The following ANKS1B variants were observed in gnomAD, a reference collection of about 807,000 sequenced individuals.
The protein encoded by ANKS1B is ankyrin repeat and sterile alpha motif domain-containing protein 1B.
In ANKS1B, 36 loss-of-function variants were observed where a neutral mutation model predicts 148.3. The observed-to-expected ratio is 0.24, with a 90% CI of 0.19 to 0.32. The LOEUF (loss-of-function observed/expected upper bound fraction) is 0.32. Among genes scored for constraint, ANKS1B ranks in the 10% least tolerant of loss-of-function variants. The pLI is 1.00. For missense variants in ANKS1B, 1,157 were observed against 1,542.6 expected, an observed-to-expected ratio of 0.75 and a Z score of 4.19; for synonymous variants, 542 against 560.8, an observed-to-expected ratio of 0.97 and a Z score of 0.47.
intron 14 of ANKS1B, among the ~76,000 whole-genome samples, chr12:99,209,711 G>C (rs2083107272): frequency 6.6e-6 from 1 of 152,128 alleles, no homozygotes; most frequent in Non-Finnish European, 1.5e-5. Context: ...TCACCATCTT[G>C]GATAAGCACT....
chr12:98,841,853 C>T (rs2099408236), intron 17 of ANKS1B, among the ~76,000 whole-genome samples: 1 of 151,756 alleles, frequency 6.6e-6, no homozygotes, highest in African/African-American at 2.4e-5. Flanking sequence ...TCTGGAGAGT[C>T]ACATCACAGA....
In ANKS1B at chr12:99,084,951, G is replaced by A; in HGVS notation, c.2599C>T (p.Leu867=). The part of the protein sequence containing the change: ...ILNSGHRQRI[L]QAIQLLPKMR... ...TTTGGAAGGAGCTGGATTGCCTGTA[G>A]AATTCTTTGTCTGTGCCCAGAATTA... Residue 867 remains leucine (L), a synonymous_variant, in exon 16 of 27, where the codon CTA becomes TTA. Transcript: ENST00000683438. 2 of 1,610,506 alleles carry A rather than the reference G, an allele frequency of 1.2e-6. No individual in the cohort carries two copies. Among genetic ancestry groups the A allele is most frequent in the East Asian group, 2.2e-5 (1 of 44,806 alleles).
In ANKS1B at chr12:99,139,446, T is replaced by C. The variant is rs548072225; in HGVS notation, c.2526+14843A>G. Among the ~76,000 whole-genome samples the C allele has an allele frequency of 2.8e-4, 19 of 68,988 alleles. 4 individuals carry two copies. Among genetic ancestry groups the C allele is most frequent in the African/African-American group, 1.6e-3 (19 of 12,222 alleles). 45.3% of individuals were successfully genotyped at this position (68,988 alleles called of 152,430 possible). ...TCTTTCTTTCTTTCTTTCTTTTTCT[T>C]TCTTTCTTTCTTTCAAGATAGGAGT... On this transcript the variant is annotated intron_variant, in intron 15 of 26. Transcript: ENST00000683438.
intron 8 of ANKS1B, among the ~76,000 whole-genome samples, chr12:99,687,649 T>G (rs1457695474): frequency 6.6e-6 from 1 of 152,148 alleles, no homozygotes; most frequent in Non-Finnish European, 1.5e-5. Flanking sequence ...GCTATCATAT[T>G]CATTATCTCC....
intron 12 of ANKS1B, among the ~76,000 whole-genome samples, chr12:99,350,560 T>C (rs1038950498): frequency 1.3e-5 from 2 of 152,006 alleles, no homozygotes; most frequent in Non-Finnish European, 2.9e-5. Flanking sequence ...TAGTAGTCCA[T>C]ATGAAAATAA....
At chr12:98,950,417 A>G (rs1178163773) in intron 17 of ANKS1B, among the ~76,000 whole-genome samples, 1 of 152,120 alleles carries the variant, frequency 6.6e-6, no homozygotes, top group East Asian at 1.9e-4. Flanking sequence ...GAATAACTTG[A>G]ACCTGGGAGG....
chr12:99,670,184 T>A (rs2098530243), intron 8 of ANKS1B, among the ~76,000 whole-genome samples: 1 of 152,184 alleles, frequency 6.6e-6, no homozygotes, highest in Admixed American at 6.5e-5. Flanking sequence ...AATAATCCCA[T>A]TTCCTCTATT....
chr12:99,722,848 G>A (rs2058226446), intron 8 of ANKS1B, among the ~76,000 whole-genome samples: 1 of 152,240 alleles, frequency 6.6e-6, no homozygotes, highest in African/African-American at 2.4e-5. Flanking sequence ...CATCAGAACT[G>A]ACTAGGCAGC....
chr12:99,867,274 GC>G (rs1466988839), intron 1 of ANKS1B, among the ~76,000 whole-genome samples: 6 of 150,980 alleles, frequency 4.0e-5, no homozygotes, highest in African/African-American at 1.5e-4. Flanking sequence ...AACCAATAAA[GC>G]CCCCATCCCC....
intron 17 of ANKS1B, among the ~76,000 whole-genome samples, chr12:98,906,369 C>A (rs2099779086): frequency 1.3e-5 from 2 of 152,072 alleles, no homozygotes; most frequent in Admixed American, 6.6e-5. Context: ...CTCGAGGAAC[C>A]AGGATATCCC....
chr12:99,939,834 G>A (rs1488731), intron 1 of ANKS1B, among the ~76,000 whole-genome samples: 92,454 of 151,988 alleles, frequency 0.61, 29,305 homozygotes, highest in African/African-American at 0.7. Context: ...CTTTGTAAAA[G>A]GAGATTCACT....
intron 14 of ANKS1B, among the ~76,000 whole-genome samples, chr12:99,203,246 C>T (rs554755305): frequency 7.5e-4 from 114 of 152,206 alleles, no homozygotes; most frequent in African/African-American, 2.7e-3. Context: ...GATCAGAGTC[C>T]TACCTCTTTT....
rs150860727 is a variant in ANKS1B at position 99,874,022 on chromosome 12, C to CATATATATATAT, written c.135-48645_135-48634dup. On this transcript the variant is annotated intron_variant, in intron 1 of 26. Coordinates refer to ENST00000683438, the MANE Select transcript of ANKS1B (RefSeq NM_001352186.2). The stretch of plus-strand genomic sequence containing the variant: ...TAAATCTCTCTCTCTCTCTCTCTCA[C>CATATATATATAT]ATATATATATATATATATCCTGTTG... Among the ~76,000 whole-genome samples, 152 of 137,908 alleles carry CATATATATATAT rather than the reference C, an allele frequency of 1.1e-3. 5 individuals are homozygous for CATATATATATAT. Among genetic ancestry groups the CATATATATATAT allele is most frequent in the African/African-American group, 4.5e-3 (143 of 31,542 alleles). The allele number at this position is 137,908 out of a possible 152,430, so 90.5% of individuals were successfully genotyped here. A position where few individuals can be genotyped will look rare whatever the true frequency, so the allele number is the denominator to read the frequency against.
intron 17 of ANKS1B, among the ~76,000 whole-genome samples, chr12:98,920,305 G>A (rs985460521): frequency 2.0e-5 from 3 of 152,202 alleles, no homozygotes; most frequent in Non-Finnish European, 2.9e-5. Context: ...GTTGGTTGAA[G>A]GTGAGTGTAG....
intron 9 of ANKS1B, among the ~76,000 whole-genome samples, chr12:99,555,370 A>G (rs766812760): frequency 6.6e-6 from 1 of 152,154 alleles, no homozygotes; most frequent in Non-Finnish European, 1.5e-5. Flanking sequence ...TAGATATGGA[A>G]TCACACACCT....
At chr12:98,784,521 G>A (rs77767712) in intron 22 of ANKS1B, among the ~76,000 whole-genome samples, 4,871 of 152,284 alleles carry the variant, frequency 0.032, 119 homozygotes, top group African/African-American at 0.069. Context: ...CTTACTGGGT[G>A]GAATTCCTGG....
At chr12:99,722,199 A>T (rs2153556292) in intron 8 of ANKS1B, among the ~76,000 whole-genome samples, 1 of 152,356 alleles carries the variant, frequency 6.6e-6, no homozygotes, top group East Asian at 1.9e-4. Context: ...CTAAATTGAT[A>T]AAGGTGACTA....
At chr12:99,901,890 A>G (rs2093612895) in intron 1 of ANKS1B, among the ~76,000 whole-genome samples, 1 of 152,220 alleles carries the variant, frequency 6.6e-6, no homozygotes, top group South Asian at 2.1e-4. Context: ...AACTGCTCTA[A>G]GCCTCCATTT....
At chr12:99,697,840 T>C (rs1015630997) in intron 8 of ANKS1B, among the ~76,000 whole-genome samples, 5 of 152,170 alleles carry the variant, frequency 3.3e-5, no homozygotes, top group Admixed American at 2.0e-4. Flanking sequence ...AGGTAGCAGG[T>C]ATATGGGAAC....
Sources: gnomAD v4.1 joint callset for allele counts (sites outside exome capture counted in the v4.1 genomes callset) on GRCh38, gnomAD v4.1.1 for gene constraint, MANE v1.5 for transcripts, NCBI Gene and HGNC (gene_info 2026-07-23, HGNC 2026-07-21) for gene names.